The following RPS6KA2 variants were observed in gnomAD, a reference collection of about 807,000 sequenced individuals.
RPS6KA2 encodes the protein ribosomal protein S6 kinase A2.
A neutral mutation model predicts 91.8 loss-of-function variants in RPS6KA2; 42 were observed. That is an observed-to-expected ratio of 0.46 (90% CI 0.36 to 0.59). The LOEUF (loss-of-function observed/expected upper bound fraction) is 0.59, where lower values mean the gene tolerates loss of function less well. RPS6KA2 is among the 20% of genes least tolerant of loss of function. The probability of loss-of-function intolerance (pLI) is 0.00; values close to 1 mark genes in which losing one functional copy is unlikely to be tolerated. For synonymous variants in RPS6KA2, 414 were observed against 393.6 expected (o/e 1.05, Z -0.61); for missense variants, 798 against 978.5 (o/e 0.82, Z 2.46).
intron 10 of RPS6KA2, among the ~76,000 whole-genome samples, chr6:166,485,722 CG>C (rs199927963): frequency 5.0e-4 from 76 of 152,134 alleles, no homozygotes; most frequent in African/African-American, 1.7e-3. Flanking sequence ...CGGTGATGAA[CG>C]GGGGGGTCTG....
At chr6:166,658,424 T>C (rs954710797) in intron 2 of RPS6KA2, among the ~76,000 whole-genome samples, 1 of 152,242 alleles carries the variant, frequency 6.6e-6, no homozygotes, top group African/African-American at 2.4e-5. Flanking sequence ...GTCACTCAGC[T>C]GTCAGCTGCT....
At chr6:166,664,208 A>AGTTTCT (rs1788251294) in intron 2 of RPS6KA2, among the ~76,000 whole-genome samples, 1 of 152,222 alleles carries the variant, frequency 6.6e-6, no homozygotes, top group Non-Finnish European at 1.5e-5. Flanking sequence ...ATTACCCTGA[A>AGTTTCT]GTTTCTGTTT....
intron 2 of RPS6KA2, among the ~76,000 whole-genome samples, chr6:166,703,778 C>T (rs1224830106): frequency 6.6e-6 from 1 of 152,186 alleles, no homozygotes; most frequent in Non-Finnish European, 1.5e-5. Context: ...AGAGCTGCAG[C>T]TGCCAATGTC....
chr6:166,652,474 G>A (rs1787881486), intron 2 of RPS6KA2, among the ~76,000 whole-genome samples: 1 of 151,562 alleles, frequency 6.6e-6, no homozygotes, highest in African/African-American at 2.4e-5. Context: ...GGGAACTTAG[G>A]AAAAACCACA....
intron 2 of RPS6KA2, among the ~76,000 whole-genome samples, chr6:166,854,209 A>T (rs997561278): frequency 6.6e-6 from 1 of 152,212 alleles, no homozygotes; most frequent in African/African-American, 2.4e-5. Context: ...ATAAAGGTGT[A>T]TTGCAGTAAC....
chr6:166,623,043 T>G (rs1786699330), intron 1 of RPS6KA2, among the ~76,000 whole-genome samples: 1 of 152,252 alleles, frequency 6.6e-6, no homozygotes, highest in African/African-American at 2.4e-5. Context: ...AGTTCATCAC[T>G]AGCAATATCC....
At chr6:166,801,098 T>C (rs1037137723) in intron 2 of RPS6KA2, among the ~76,000 whole-genome samples, 1 of 152,232 alleles carries the variant, frequency 6.6e-6, no homozygotes, top group Non-Finnish European at 1.5e-5. Context: ...CTTTTGTAAA[T>C]GGTTTTGCTG....
At chr6:166,670,550 T>G (rs1475580750) in intron 2 of RPS6KA2, among the ~76,000 whole-genome samples, 1 of 152,234 alleles carries the variant, frequency 6.6e-6, no homozygotes, top group African/African-American at 2.4e-5. Context: ...GTAACATGAC[T>G]GCCACACTTT....
intron 2 of RPS6KA2, among the ~76,000 whole-genome samples, chr6:166,800,052 A>AT (rs35098972): frequency 1.3e-5 from 2 of 152,024 alleles, no homozygotes; most frequent in East Asian, 3.9e-4. Flanking sequence ...AACACCAGGT[A>AT]TTTTTTTTGT....
At chr6:166,620,519 A>T (rs1786585953) in intron 1 of RPS6KA2, among the ~76,000 whole-genome samples, 1 of 152,236 alleles carries the variant, frequency 6.6e-6, no homozygotes, top group African/African-American at 2.4e-5. Flanking sequence ...TTAAACCATC[A>T]TTGTATATAA....
At chr6:166,497,462 C>T (rs1170480702) in intron 8 of RPS6KA2, among the ~76,000 whole-genome samples, 1 of 152,198 alleles carries the variant, frequency 6.6e-6, no homozygotes, top group Non-Finnish European at 1.5e-5. Context: ...GGCTGTGGGC[C>T]CATCTCCGGA....
At position 166,576,172 on chromosome 6, in the gene RPS6KA2, C is replaced by T. The variant is rs145203575; in HGVS notation, c.100-37388G>A. Among the ~76,000 whole-genome samples the T allele has an allele frequency of 2.0e-3, 307 of 152,302 alleles. 2 individuals carry two copies. The highest frequency in any genetic ancestry group is 7.2e-3 in the African/African-American group (298 of 41,564). On this transcript the variant is annotated intron_variant, in intron 1 of 20. Transcript: ENST00000265678. ...GCCATGATTCTGAGGCCTCCCCAGC[C>T]ATGTGGAACTGTAAGTCCAATTAAA...
intron 1 of RPS6KA2, among the ~76,000 whole-genome samples, chr6:166,570,932 A>C (rs1784666991): frequency 6.6e-6 from 1 of 152,244 alleles, no homozygotes; most frequent in Non-Finnish European, 1.5e-5. Context: ...AAATTTTAAG[A>C]GGCCTTTTTA....
chr6:166,834,458 T>C (rs1034909929), intron 2 of RPS6KA2, among the ~76,000 whole-genome samples: 4 of 152,106 alleles, frequency 2.6e-5, no homozygotes, highest in Non-Finnish European at 5.9e-5. Flanking sequence ...CGTTGGGGTG[T>C]ATCAGAGGGT....
chr6:166,797,015 A>G (rs1051553633), intron 2 of RPS6KA2, among the ~76,000 whole-genome samples: 8 of 152,234 alleles, frequency 5.3e-5, no homozygotes, highest in Non-Finnish European at 8.8e-5. Flanking sequence ...GGCATTTGAG[A>G]GCAGTTCATG....
chr6:166,552,745 G>A (rs2128501679), intron 1 of RPS6KA2, among the ~76,000 whole-genome samples: 2 of 152,216 alleles, frequency 1.3e-5, no homozygotes, highest in Middle Eastern at 6.8e-3. Context: ...TGGAAACTTG[G>A]TTAGGAAACC....
At chr6:166,427,337 C>A (rs1343408244) in intron 16 of RPS6KA2, among the ~76,000 whole-genome samples, 1 of 152,178 alleles carries the variant, frequency 6.6e-6, no homozygotes, top group Non-Finnish European at 1.5e-5. Context: ...AAACCCACAG[C>A]CAATATCATA....
At chr6:166,456,385 G>C (rs907425677) in intron 12 of RPS6KA2, among the ~76,000 whole-genome samples, 3 of 152,216 alleles carry the variant, frequency 2.0e-5, no homozygotes, top group African/African-American at 7.2e-5. Context: ...GCAAAATTGT[G>C]AGTCAGATAA....
At chr6:166,671,162 C>T (rs2128561014) in intron 2 of RPS6KA2, among the ~76,000 whole-genome samples, 1 of 152,284 alleles carries the variant, frequency 6.6e-6, no homozygotes, top group South Asian at 2.1e-4. Context: ...TTATGAGAGC[C>T]ATGCAGAGTA....
Sources: allele counts gnomAD v4.1 joint callset (sites outside exome capture counted in the v4.1 genomes callset), GRCh38; gene constraint gnomAD v4.1.1; transcripts MANE v1.5; gene names NCBI Gene and HGNC (gene_info 2026-07-23, HGNC 2026-07-21).